TRMT10B: variants seen among roughly 807,000 people sequenced by gnomAD.
TRMT10B encodes the protein tRNA methyltransferase 10 homolog B.
Under a neutral mutation model 43.8 loss-of-function variants are expected in TRMT10B, and 33 were observed. The observed-to-expected ratio is 0.75, with a 90% CI of 0.57 to 1.01. The LOEUF (loss-of-function observed/expected upper bound fraction) is 1.01. Among genes scored for constraint, TRMT10B ranks in the 50% least tolerant of loss-of-function variants. The pLI is 0.00. For missense variants in TRMT10B, 362 were observed against 369.8 expected, an observed-to-expected ratio of 0.98 and a Z score of 0.17; for synonymous variants, 137 against 130.6, an observed-to-expected ratio of 1.05 and a Z score of -0.34.
rs1440473774 is a variant in TRMT10B, at chr9:37,761,893, C to T, written c.-29-10C>T. On this transcript the variant is annotated splice_polypyrimidine_tract_variant and intron_variant, in intron 1 of 8. Coordinates refer to ENST00000297994, the MANE Select transcript of TRMT10B (RefSeq NM_144964.4). Reference sequence around the variant, plus strand: ...AATGTAATAGCTCACATAATTGTGCCTTTTTCCAGTCTGGTGGAAAGGACA... The same window carrying T: ...AATGTAATAGCTCACATAATTGTGCTTTTTTCCAGTCTGGTGGAAAGGACA... 1.9e-6 allele frequency: 3 copies of T among 1,569,252 alleles called. No homozygotes were observed. The highest frequency in any genetic ancestry group is 2.6e-6 in the Non-Finnish European group (3 of 1,151,158).
At chr9:37,768,717 A>G (rs1379003919) in intron 5 of TRMT10B, among the ~76,000 whole-genome samples, 1 of 152,206 alleles carries the variant, frequency 6.6e-6, no homozygotes, top group African/African-American at 2.4e-5. Context: ...GTGTGTTTGC[A>G]TTGTGTAGCT....
chr9:37,755,672 G>C (rs1383972275), intron 1 of TRMT10B, among the ~76,000 whole-genome samples: 1 of 152,174 alleles, frequency 6.6e-6, no homozygotes. Flanking sequence ...ATGGTGGTTG[G>C]AGTTGTTTTT....
At chr9:37,753,282 A>G (rs1324017507), upstream of TRMT10B, among the ~76,000 whole-genome samples, 1 of 152,212 alleles carries the variant, frequency 6.6e-6, no homozygotes, top group Non-Finnish European at 1.5e-5. Context: ...TCCGGACACA[A>G]TATGATATCA....
At chr9:37,764,510 A>G (rs1164782503) in intron 4 of TRMT10B, among the ~76,000 whole-genome samples, 2 of 151,574 alleles carry the variant, frequency 1.3e-5, no homozygotes, top group Non-Finnish European at 2.9e-5. Flanking sequence ...TTTAGTAGAG[A>G]TGGGGTTTCA....
At chr9:37,758,523 TAAAATTAAAGGCTCAGTTGG>T (rs896807398) in intron 1 of TRMT10B, among the ~76,000 whole-genome samples, 16 of 152,168 alleles carry the variant, frequency 1.1e-4, no homozygotes, top group African/African-American at 3.9e-4. Context: ...CTTGACCATA[TAAAATTAAAGGCTCAGTTGG>T]AAAATTAAAG....
chr9:37,766,697 T>G (rs1277394265), intron 4 of TRMT10B, among the ~76,000 whole-genome samples: 1 of 152,204 alleles, frequency 6.6e-6, no homozygotes, highest in East Asian at 1.9e-4. Context: ...GATATTGATT[T>G]TCCTACCCAT....
upstream of TRMT10B, among the ~76,000 whole-genome samples, chr9:37,753,461 A>G (rs1445851477): frequency 1.3e-5 from 2 of 151,816 alleles, no homozygotes; most frequent in Admixed American, 6.6e-5. Flanking sequence ...TTCGGCAGAG[A>G]GGGAGGTCCA....
At chr9:37,770,408 T>C (rs1429457305) in intron 6 of TRMT10B, among the ~76,000 whole-genome samples, 1 of 152,274 alleles carries the variant, frequency 6.6e-6, no homozygotes, top group African/African-American at 2.4e-5. Context: ...CATCTAATTA[T>C]TTCACATTCT....
chr9:37,763,173 A>AAC (rs1826600971), intron 3 of TRMT10B, among the ~76,000 whole-genome samples: 2 of 138,554 alleles, frequency 1.4e-5, no homozygotes, highest in African/African-American at 2.7e-5. Flanking sequence ...AAACAAAAAA[A>AAC]AAAATTTAAG....
At chr9:37,765,424 G>A (rs1465176178) in intron 4 of TRMT10B, among the ~76,000 whole-genome samples, 1 of 152,154 alleles carries the variant, frequency 6.6e-6, no homozygotes, top group Non-Finnish European at 1.5e-5. Context: ...CAAAGGACAT[G>A]AACTCATCAT....
chr9:37,771,898 C>T (rs548118915), intron 7 of TRMT10B, among the ~76,000 whole-genome samples: 3 of 150,786 alleles, frequency 2.0e-5, no homozygotes, highest in African/African-American at 7.3e-5. Context: ...TCTTTTGAAG[C>T]AGGGCCTTGC....
At chr9:37,759,097 T>C (rs760631400) in intron 1 of TRMT10B, among the ~76,000 whole-genome samples, 1 of 152,148 alleles carries the variant, frequency 6.6e-6, no homozygotes, top group Admixed American at 6.5e-5. Flanking sequence ...GATGGCAGTT[T>C]ATGAGTTAAA....
chr9:37,770,940 G>T (rs1408989996), intron 7 of TRMT10B, among the ~76,000 whole-genome samples: 1 of 152,224 alleles, frequency 6.6e-6, no homozygotes, highest in African/African-American at 2.4e-5. Flanking sequence ...CAAGAGTCGG[G>T]AACTGGACTG....
chr9:37,772,434 G>A (rs539846080), intron 7 of TRMT10B, among the ~76,000 whole-genome samples: 1 of 151,794 alleles, frequency 6.6e-6, no homozygotes, highest in East Asian at 1.9e-4. Context: ...TTACGGGTGT[G>A]AGCCACCGTG....
chr9:37,760,849 G>A (rs1197043003), intron 1 of TRMT10B, among the ~76,000 whole-genome samples: 2 of 152,094 alleles, frequency 1.3e-5, no homozygotes, highest in Non-Finnish European at 2.9e-5. Context: ...CATAGGTAAT[G>A]GTCACATCAT....
At chr9:37,761,554 C>T (rs538213948) in intron 1 of TRMT10B, among the ~76,000 whole-genome samples, 16 of 152,164 alleles carry the variant, frequency 1.1e-4, no homozygotes, top group Non-Finnish European at 8.8e-5. Context: ...AAAAATTAGC[C>T]GGGCTTGGTG....
chr9:37,755,428 A>C (rs527276699), intron 1 of TRMT10B, among the ~76,000 whole-genome samples: 12 of 152,292 alleles, frequency 7.9e-5, no homozygotes, highest in Admixed American at 2.0e-4. Context: ...TATGTCCAAA[A>C]AAAAATGCTA....
chr9:37,765,532 T>C (rs1427793133), intron 4 of TRMT10B, among the ~76,000 whole-genome samples: 1 of 152,342 alleles, frequency 6.6e-6, no homozygotes, highest in East Asian at 1.9e-4. Flanking sequence ...TTGTGAATAG[T>C]GCCGGAATAA....
chr9:37,758,306 T>C (rs113325872), intron 1 of TRMT10B, among the ~76,000 whole-genome samples: 2 of 152,040 alleles, frequency 1.3e-5, no homozygotes, highest in East Asian at 1.9e-4. Flanking sequence ...CAGCTACTCA[T>C]GAGGCTGGGG....
Sources: gnomAD v4.1 joint callset for allele counts (sites outside exome capture counted in the v4.1 genomes callset) on GRCh38, gnomAD v4.1.1 for gene constraint, MANE v1.5 for transcripts, NCBI Gene and HGNC (gene_info 2026-07-23, HGNC 2026-07-21) for gene names.